Variants in RILPL1 observed in about 807,000 individuals in gnomAD.
RILPL1 encodes the protein Rab interacting lysosomal protein like 1.
In RILPL1, 33 loss-of-function variants were observed where a neutral mutation model predicts 50.3. That is an observed-to-expected ratio of 0.66 (90% CI 0.50 to 0.88). The LOEUF (loss-of-function observed/expected upper bound fraction) is 0.88. RILPL1 is among the 40% of genes least tolerant of loss of function. The pLI, the probability that RILPL1 is intolerant of heterozygous loss-of-function variation, is 0.00. For missense variants in RILPL1, 418 were observed against 542.5 expected, an observed-to-expected ratio of 0.77 and a Z score of 2.28; for synonymous variants, 205 against 228.6, an observed-to-expected ratio of 0.90 and a Z score of 0.93.
At chr12:123,487,183 CT>C (rs1393531902) in intron 4 of RILPL1, among the ~76,000 whole-genome samples, 15 of 152,222 alleles carry the variant, frequency 9.9e-5, no homozygotes, top group Admixed American at 8.5e-4. Flanking sequence ...TGTCTATGGA[CT>C]GCCTACCATG....
At chr12:123,494,306 C>T (rs966001150) in intron 4 of RILPL1, among the ~76,000 whole-genome samples, 14 of 152,346 alleles carry the variant, frequency 9.2e-5, no homozygotes, top group African/African-American at 3.4e-4. Context: ...ATCCTGAACT[C>T]ACAGAGCTCC....
At chr12:123,494,831 G>A (rs1356260027) in intron 4 of RILPL1, among the ~76,000 whole-genome samples, 2 of 152,272 alleles carry the variant, frequency 1.3e-5, no homozygotes, top group East Asian at 1.9e-4. Context: ...TGTATCGCTC[G>A]CCTGCTGAAC....
intron 1 of RILPL1, among the ~76,000 whole-genome samples, chr12:123,531,231 G>A (rs984693181): frequency 6.6e-6 from 1 of 152,238 alleles, no homozygotes; most frequent in African/African-American, 2.4e-5. Flanking sequence ...CATCCTCAAT[G>A]TAAGTCAACA....
intron 6 of RILPL1, among the ~76,000 whole-genome samples, chr12:123,477,369 C>T (rs1279596216): frequency 2.2e-5 from 3 of 133,848 alleles, no homozygotes; most frequent in Admixed American, 1.6e-4. Context: ...GAGACAGTCT[C>T]GCTTTGCCAC....
chr12:123,526,001 T>C (rs2139389605), intron 1 of RILPL1, among the ~76,000 whole-genome samples: 1 of 152,274 alleles, frequency 6.6e-6, no homozygotes, highest in East Asian at 1.9e-4. Context: ...GTTGCTGTTG[T>C]CTGTATAAAA....
At chr12:123,495,981 G>A (rs1412960629) in intron 4 of RILPL1, among the ~76,000 whole-genome samples, 1 of 150,862 alleles carries the variant, frequency 6.6e-6, no homozygotes, top group Admixed American at 6.7e-5. Flanking sequence ...GTCATTTTTA[G>A]CCAAAAGCAG....
chr12:123,517,054 T>C (rs1346227539), intron 2 of RILPL1, among the ~76,000 whole-genome samples: 1 of 152,014 alleles, frequency 6.6e-6, no homozygotes, highest in African/African-American at 2.4e-5. Context: ...CGGGGCAAAG[T>C]GAGACCCTGT....
intron 4 of RILPL1, among the ~76,000 whole-genome samples, chr12:123,486,900 GCCATCCTCCTGC>G (rs1287781822): frequency 7.9e-5 from 12 of 152,058 alleles, no homozygotes; most frequent in Admixed American, 2.6e-4. Context: ...CCGGGTTCAA[GCCATCCTCCTGC>G]CTCAGCCTCC....
chr12:123,529,099 A>C (rs1481330256), intron 1 of RILPL1, among the ~76,000 whole-genome samples: 1 of 152,066 alleles, frequency 6.6e-6, no homozygotes, highest in Non-Finnish European at 1.5e-5. Flanking sequence ...GGACCTTTGC[A>C]CTAGCCACGT....
At chr12:123,473,348 C>G (rs181581460) in intron 6 of RILPL1, 1 of 152,006 alleles carries the variant, frequency 6.6e-6, no homozygotes, top group African/African-American at 2.4e-5. Context: ...AACCCCGTCT[C>G]TACTAAAAAT....
chr12:123,512,697 TTGTA>T (rs1320203173), intron 2 of RILPL1, among the ~76,000 whole-genome samples: 10 of 113,346 alleles, frequency 8.8e-5, no homozygotes, highest in Non-Finnish European at 1.3e-4. Flanking sequence ...TGTGTGAGGT[TTGTA>T]TGTGTGTGGT....
At chr12:123,499,176 G>C (rs563472872) in intron 3 of RILPL1, among the ~76,000 whole-genome samples, 1 of 152,118 alleles carries the variant, frequency 6.6e-6, no homozygotes, top group Non-Finnish European at 1.5e-5. Context: ...CCCAGGCCTC[G>C]GGACCTTCCC....
Position 123,489,732 on chromosome 12 carries a change from T to C in RILPL1, c.802-3927A>G, listed in dbSNP as rs531351458. On this transcript the variant is annotated intron_variant, in intron 4 of 6. Transcript: ENST00000376874. The surrounding 1 kb of genome is among the most constrained non-coding windows in gnomAD (Gnocchi z 4.0). ...AACTGGAGAGAATCAGGGAAGATGT[T>C]AATCAGATGTGGTCTCTATGCATGG... Among the ~76,000 whole-genome samples, 115 of 152,012 alleles carry C rather than the reference T, an allele frequency of 7.6e-4. No individual in the cohort carries two copies. The highest frequency in any genetic ancestry group is 2.7e-3 in the African/African-American group (110 of 41,466).
chr12:123,501,819 G>T (rs955828503), intron 2 of RILPL1, among the ~76,000 whole-genome samples: 1 of 150,594 alleles, frequency 6.6e-6, no homozygotes, highest in African/African-American at 2.4e-5. Flanking sequence ...AACAAAAACT[G>T]TAATCCTAGC....
chr12:123,484,351 G>T, intron 5 of RILPL1, 79 bp from the exon 6 acceptor site: 1 of 949,088 alleles, frequency 1.1e-6, no homozygotes, highest in Non-Finnish European at 1.7e-6. Context: ...AGAAGTGTCT[G>T]ATGGTCTGAG....
At chr12:123,531,338 GGTGGCCT>G in intron 1 of RILPL1, among the ~76,000 whole-genome samples, 1 of 152,262 alleles carries the variant, frequency 6.6e-6, no homozygotes, top group East Asian at 1.9e-4. Context: ...CTTCAGACCT[GGTGGCCT>G]CCGATGGCTT....
chr12:123,482,660 C>T (rs1406264828), intron 6 of RILPL1, among the ~76,000 whole-genome samples: 1 of 151,064 alleles, frequency 6.6e-6, no homozygotes, highest in East Asian at 1.9e-4. Flanking sequence ...GCTCTGTCAC[C>T]CTAGCTGGAG....
intron 6 of RILPL1, among the ~76,000 whole-genome samples, chr12:123,482,604 A>G (rs1016778518): frequency 7.1e-6 from 1 of 141,768 alleles, no homozygotes; most frequent in African/African-American, 2.6e-5. Context: ...TTTCTTTTTT[A>G]TCCCTCTCTC....
chr12:123,502,734 G>A (rs543997223), intron 2 of RILPL1, among the ~76,000 whole-genome samples: 45 of 152,324 alleles, frequency 3.0e-4, no homozygotes, highest in African/African-American at 1.0e-3. Flanking sequence ...TCAGTTTCCT[G>A]CACCTGCTGT....
Sources: allele counts gnomAD v4.1 joint callset (sites outside exome capture counted in the v4.1 genomes callset), GRCh38; gene constraint gnomAD v4.1.1; non-coding constraint Gnocchi (gnomAD v3.1); transcripts MANE v1.5; gene names NCBI Gene and HGNC (gene_info 2026-07-23, HGNC 2026-07-21).